Variants in WNK3 observed in about 807,000 individuals in gnomAD.
WNK3 encodes serine/threonine-protein kinase WNK3.
WNK3 carries 18 observed loss-of-function variants against 116.7 expected under a neutral mutation model. The observed-to-expected ratio is 0.15, with a 90% confidence interval of 0.11 to 0.23. The LOEUF (loss-of-function observed/expected upper bound fraction) is 0.23, where lower values mean the gene tolerates loss of function less well. Among genes scored for constraint, WNK3 ranks in the 10% least tolerant of loss-of-function variants. WNK3 has a pLI of 1.00. For missense variants in WNK3, 993 were observed against 1,323.8 expected, an observed-to-expected ratio of 0.75 and a Z score of 3.88; for synonymous variants, 404 against 469.4, an observed-to-expected ratio of 0.86 and a Z score of 1.80.
intron 10 of WNK3, among the ~76,000 whole-genome samples, chrX:54,276,726 T>G (rs376782854): frequency 9.1e-6 from 1 of 109,349 alleles, no homozygotes; most frequent in African/African-American, 3.3e-5. Flanking sequence ...CCTTTTTTTT[T>G]TTTTTTGAGA....
intron 22 of WNK3, among the ~76,000 whole-genome samples, chrX:54,215,342 C>A (rs1285731056): frequency 9.0e-6 from 1 of 111,195 alleles, no homozygotes; most frequent in South Asian, 3.7e-4. Context: ...AGGCGCGCGC[C>A]GCCACGCCTG....
At chrX:54,304,897 GA>G (rs2068805709) in intron 5 of WNK3, among the ~76,000 whole-genome samples, 2 of 111,403 alleles carry the variant, frequency 1.8e-5, no homozygotes. Flanking sequence ...AGTACTTTGG[GA>G]GGCCGAGGTG....
At chrX:54,281,093 C>G (rs2068510829) in intron 10 of WNK3, among the ~76,000 whole-genome samples, 1 of 111,537 alleles carries the variant, frequency 9.0e-6, no homozygotes, top group Admixed American at 9.6e-5. Context: ...TATACATATA[C>G]ACTGTGAAAT....
In WNK3 at chrX:54,326,387, G is replaced by A. The variant is rs1410713011; in HGVS notation, c.537+6750C>T. On this transcript the variant is annotated intron_variant, in intron 2 of 23. Coordinates refer to ENST00000354646, the Ensembl canonical transcript of WNK3. Reference sequence around the variant, plus strand: ...TTACAGGCGTGAGCCACCGCACCAGGCCCCATTAATATATTTTTTAAATAA... The same window carrying A: ...TTACAGGCGTGAGCCACCGCACCAGACCCCATTAATATATTTTTTAAATAA... Among the ~76,000 whole-genome samples the A allele has an allele frequency of 2.7e-5, 3 of 111,361 alleles. No individual in the cohort carries two copies. In the Admixed American group the frequency reaches 2.9e-4, roughly 11 times the overall value.
chrX:54,251,962 G>T (rs5915090), intron 13 of WNK3, among the ~76,000 whole-genome samples: 3,686 of 107,717 alleles, frequency 0.034, 69 homozygotes, highest in Non-Finnish European at 0.057. Flanking sequence ...CTACTTGGGA[G>T]GCTGAGGCAG....
intron 10 of WNK3, among the ~76,000 whole-genome samples, chrX:54,261,668 G>A (rs1000798169): frequency 6.3e-5 from 7 of 111,639 alleles, no homozygotes; most frequent in Non-Finnish European, 1.1e-4. Flanking sequence ...TAATCATAAT[G>A]TATGTACTCT....
intron 10 of WNK3, among the ~76,000 whole-genome samples, chrX:54,284,976 G>GA (rs1181762156): frequency 2.1e-4 from 20 of 93,349 alleles, no homozygotes; most frequent in South Asian, 9.6e-4. Flanking sequence ...TCTCAAAAAA[G>GA]AAAAAAAAAA....
intron 10 of WNK3, among the ~76,000 whole-genome samples, chrX:54,270,792 C>T (rs2068374429): frequency 9.0e-6 from 1 of 110,827 alleles, no homozygotes; most frequent in Non-Finnish European, 1.9e-5. Flanking sequence ...TCCATGTGTT[C>T]TCATTGTTCA....
intron 10 of WNK3, among the ~76,000 whole-genome samples, chrX:54,264,207 A>G (rs909542002): frequency 9.2e-6 from 1 of 109,148 alleles, no homozygotes; most frequent in African/African-American, 3.3e-5. Flanking sequence ...GTGGCACATG[A>G]CTGTAATCCC....
At chrX:54,240,413 A>G (rs1557151315) in intron 17 of WNK3, among the ~76,000 whole-genome samples, 1 of 112,021 alleles carries the variant, frequency 8.9e-6, no homozygotes, top group Admixed American at 9.5e-5. Flanking sequence ...ATTTTAAACT[A>G]GTAATAATTA....
chrX:54,224,910 C>G (rs1022509820), intron 22 of WNK3, among the ~76,000 whole-genome samples: 3 of 110,492 alleles, frequency 2.7e-5, no homozygotes, highest in Non-Finnish European at 5.7e-5. Flanking sequence ...ACTGATAGAA[C>G]TAGGCAGATG....
chrX:54,261,028 C>T (rs782678628), intron 10 of WNK3, among the ~76,000 whole-genome samples: 83 of 110,218 alleles, frequency 7.5e-4, no homozygotes, highest in Non-Finnish European at 1.2e-3. Flanking sequence ...CCACGCCTGG[C>T]CCATTTTCAC....
At chrX:54,235,429 G>T (rs1569536197) in intron 20 of WNK3, among the ~76,000 whole-genome samples, 1 of 111,807 alleles carries the variant, frequency 8.9e-6, no homozygotes, top group East Asian at 2.8e-4. Flanking sequence ...TGGGATTACA[G>T]GTGCGCGCCA....
chrX:54,255,705 A>G, intron 12 of WNK3, 35 bp downstream of exon 12: 3 of 1,191,647 alleles, frequency 2.5e-6, no homozygotes, highest in Non-Finnish European at 2.3e-6. Flanking sequence ...AGACCTCTAT[A>G]TGTACTCTTA....
chrX:54,219,965 A>G (rs2067744046), intron 22 of WNK3, among the ~76,000 whole-genome samples: 2 of 112,001 alleles, frequency 1.8e-5, no homozygotes, highest in South Asian at 7.4e-4. Context: ...AAGCTAGTCT[A>G]TATACCAGGG....
intron 22 of WNK3, among the ~76,000 whole-genome samples, chrX:54,206,015 C>G (rs782478677): frequency 1.8e-4 from 20 of 111,930 alleles, no homozygotes; most frequent in Non-Finnish European, 3.6e-4. Context: ...TGCATTATTT[C>G]TATCTCTTAT....
chrX:54,218,608 G>A (rs1303561670), intron 22 of WNK3, among the ~76,000 whole-genome samples: 3 of 110,065 alleles, frequency 2.7e-5, no homozygotes, highest in Non-Finnish European at 3.8e-5. Context: ...AAAGAGGCCG[G>A]GTGTGGTGGC....
At chrX:54,346,295 AAAAAAAAAG>A (rs2069427411) in intron 1 of WNK3, among the ~76,000 whole-genome samples, 1 of 103,502 alleles carries the variant, frequency 9.7e-6, no homozygotes, top group Admixed American at 1.1e-4. Context: ...AAAAAAAAAA[AAAAAAAAAG>A]AACACAGGCT....
chrX:54,281,235 G>A (rs1557162324), intron 10 of WNK3, among the ~76,000 whole-genome samples: 4 of 111,085 alleles, frequency 3.6e-5, no homozygotes, highest in East Asian at 2.8e-4. Flanking sequence ...CTGTAATCCC[G>A]GCACTTTGGG....
Sources: gnomAD v4.1 joint callset for allele counts (sites outside exome capture counted in the v4.1 genomes callset) on GRCh38, gnomAD v4.1.1 for gene constraint, MANE v1.5 for transcripts, NCBI Gene and HGNC (gene_info 2026-07-23, HGNC 2026-07-21) for gene names.